The following ALKBH4 variants were observed in gnomAD, a reference collection of about 807,000 sequenced individuals.
ALKBH4 encodes alkB homolog 4, lysine demethylase.
In ALKBH4, 8 loss-of-function variants were observed where a neutral mutation model predicts 12.1. That is an observed-to-expected ratio of 0.66 (90% confidence interval 0.39 to 1.19). ALKBH4 has a LOEUF of 1.19. Ranked by LOEUF, ALKBH4 falls within the 50% of genes most tolerant of loss-of-function variation. The pLI, the probability that ALKBH4 is intolerant of heterozygous loss-of-function variation, is 0.01. For missense variants in ALKBH4, 403 were observed against 430.4 expected, an observed-to-expected ratio of 0.94 and a Z score of 0.56; for synonymous variants, 195 against 191.6, an observed-to-expected ratio of 1.02 and a Z score of -0.15.
At chr7:102,463,741 C>T (rs1797859425) in intron 1 of ALKBH4, among the ~76,000 whole-genome samples, 1 of 152,130 alleles carries the variant, frequency 6.6e-6, no homozygotes, top group Non-Finnish European at 1.5e-5. Flanking sequence ...CTTTTAGTTC[C>T]TTTGGATATA....
intron 1 of ALKBH4, 122 bp from the exon 2 acceptor site, chr7:102,459,923 G>T: frequency 3.5e-6 from 3 of 856,416 alleles, no homozygotes; most frequent in Non-Finnish European, 5.1e-6. Context: ...GGAGGCCGAG[G>T]TGGGTGGATC....
intron 1 of ALKBH4, 50 bp downstream of exon 1, chr7:102,464,664 C>A: frequency 1.3e-6 from 2 of 1,482,338 alleles, no homozygotes; most frequent in Non-Finnish European, 1.8e-6. Flanking sequence ...CCTCAGTTTC[C>A]CCAGATGCAG....
At position 102,459,792 on chromosome 7, in the gene ALKBH4, G is replaced by A. The variant is rs747384950; in HGVS notation, c.133C>T (p.Arg45Cys). ...CCGGTGTCGGAGCAGTAAATGAAAC[G>A]GTATGTTTTCTGCAAAAGAAACACA... The part of the protein sequence containing the change: ...PWELPPAKTY[R>C]FIYCSDTGWA... Residue 45 changes from arginine (R) to cysteine (C), a missense_variant, in exon 2 of 3, where the codon CGT (arginine) becomes TGT (cysteine). By Grantham distance (180) the Arg-to-Cys change is radical. Transcript: ENST00000292566. The A allele has an allele frequency of 5.0e-6, 8 of 1,598,832 alleles. No homozygotes were observed. The highest frequency in any genetic ancestry group is 1.8e-5 in the Admixed American group (1 of 57,080).
In ALKBH4 at chr7:102,457,204, A is replaced by G; in HGVS notation, c.*190T>C. The G allele has an allele frequency of 1.7e-6, 1 of 604,980 alleles. No homozygotes were observed. The highest frequency in any genetic ancestry group is 2.8e-6 in the Non-Finnish European group (1 of 356,576). 37.5% of individuals were successfully genotyped at this position (604,980 alleles called of 1,614,324 possible). A position where few individuals can be genotyped will look rare whatever the true frequency, so the allele number is the denominator to read the frequency against. ...ACTAAATAACCAAAAAAGTGTGGCC[A>G]CGGTCCAGGTGGAAGGGGGCTGCCT... On this transcript the variant is annotated 3_prime_UTR_variant, in exon 3 of 3. Transcript: ENST00000292566. The surrounding 1 kb of genome is among the most constrained non-coding windows in gnomAD (Gnocchi z 5.9).
Position 102,464,801 on chromosome 7 carries a change from A to G in ALKBH4, c.36T>C (p.Leu12=). ...AAAAAETPEV[L]RECGCKGIRT... is the part of the protein sequence containing the mutation. Reference sequence around the variant, plus strand: ...GGATGCCCTTGCAACCGCATTCCCGAAGGACTTCGGGGGTCTCGGCGGCAG... The same window carrying G: ...GGATGCCCTTGCAACCGCATTCCCGGAGGACTTCGGGGGTCTCGGCGGCAG... Residue 12 remains leucine, a synonymous_variant, in exon 1 of 3, where the codon CTT becomes CTC. Coordinates refer to ENST00000292566, the MANE Select transcript of ALKBH4 (RefSeq NM_017621.4). 1.3e-6 allele frequency: 2 copies of G among 1,562,316 alleles called. No individual in the cohort carries two copies. Among genetic ancestry groups the G allele is most frequent in the Non-Finnish European group, 8.6e-7 (1 of 1,158,948 alleles).
chr7:102,457,258 C>T lies in ALKBH4; in HGVS notation c.*136G>A. ...GGTACGTTCCCATCAAAACCTGCTC[C>T]TGGGCAGGGCTCACACTGCTCACAG... On this transcript the variant is annotated 3_prime_UTR_variant, in exon 3 of 3. Coordinates refer to ENST00000292566, the MANE Select transcript of ALKBH4 (RefSeq NM_017621.4). The surrounding 1 kb of genome is among the most constrained non-coding windows in gnomAD (Gnocchi z 5.9). 1 of 1,038,388 alleles carries T rather than the reference C, an allele frequency of 9.6e-7. No homozygotes were observed. The highest frequency in any genetic ancestry group is 1.4e-6 in the Non-Finnish European group (1 of 722,312). The allele number at this position is 1,038,388 out of a possible 1,614,324, so 64.3% of individuals were successfully genotyped here. A position where few individuals can be genotyped will look rare whatever the true frequency, so the allele number is the denominator to read the frequency against.
chr7:102,463,063 C>G (rs1797832011), intron 1 of ALKBH4, among the ~76,000 whole-genome samples: 1 of 147,738 alleles, frequency 6.8e-6, no homozygotes, highest in Non-Finnish European at 1.5e-5. Flanking sequence ...GCTCAAGCAA[C>G]CCTCCCACCT....
Position 102,457,709 on chromosome 7 carries a change from G to C in ALKBH4, c.594C>G (p.Pro198=), listed in dbSNP as rs775478836. The C allele has an allele frequency of 1.3e-6, 2 of 1,556,476 alleles. No homozygotes were observed. Among genetic ancestry groups the C allele is most frequent in the South Asian group, 2.3e-5 (2 of 87,046 alleles). The change falls in exon 3 of 3, where the codon CCC becomes CCG. Residue 198 remains proline (P), a synonymous_variant. Coordinates refer to ENST00000292566, the MANE Select transcript of ALKBH4 (RefSeq NM_017621.4). This position sits in a 1 kb window ranked among gnomAD's most constrained non-coding sequence, Gnocchi z 5.9. ...PTVLSMCREA[P]GSLLLCSAPS... ...GGGCCGAGCAGAGGAGCAGGCTCCCGGGCGCCTCCCGACACATGGACAGCA... is the reference window on the plus strand; with the variant it reads ...GGGCCGAGCAGAGGAGCAGGCTCCCCGGCGCCTCCCGACACATGGACAGCA...
chr7:102,462,366 T>C (rs1456252238), intron 1 of ALKBH4, among the ~76,000 whole-genome samples: 2 of 149,016 alleles, frequency 1.3e-5, no homozygotes, highest in African/African-American at 2.4e-5. Flanking sequence ...CCGCAATTTT[T>C]TTCTTTTCTT....
At chr7:102,461,043 G>A (rs969611044) in intron 1 of ALKBH4, among the ~76,000 whole-genome samples, 3 of 152,128 alleles carry the variant, frequency 2.0e-5, no homozygotes, top group African/African-American at 7.2e-5. Context: ...GCTAAAGAAA[G>A]TCTAGAAACC....
At position 102,464,777 on chromosome 7, in the gene ALKBH4, G is replaced by A. The variant is rs1419434534; in HGVS notation, c.60C>T (p.Ile20=). 1 of 1,573,518 alleles carries A rather than the reference G, an allele frequency of 6.4e-7. No homozygotes were observed. The highest frequency in any genetic ancestry group is 1.8e-5 in the Admixed American group (1 of 54,570). Reference sequence around the variant, plus strand: ...GCCGCTCGCAGATCAGACAGGTCCGGATGCCCTTGCAACCGCATTCCCGAA... The same window carrying A: ...GCCGCTCGCAGATCAGACAGGTCCGAATGCCCTTGCAACCGCATTCCCGAA... ...EVLRECGCKG[I]RTCLICERQR... The change falls in exon 1 of 3, where the codon ATC becomes ATT. Residue 20 remains isoleucine (I), a synonymous_variant. Coordinates refer to ENST00000292566, the MANE Select transcript of ALKBH4 (RefSeq NM_017621.4).
At chr7:102,460,788 G>A (rs918865362) in intron 1 of ALKBH4, among the ~76,000 whole-genome samples, 2 of 152,102 alleles carry the variant, frequency 1.3e-5, no homozygotes, top group Admixed American at 6.6e-5. Flanking sequence ...GGGTTGGCCC[G>A]TGCCTATCAC....
rs1267342623 is a variant in ALKBH4, at chr7:102,456,662, G to C, written c.*732C>G. 6.6e-6 allele frequency: 1 copy of C among 152,172 alleles called. No homozygotes were observed. Among genetic ancestry groups the C allele is most frequent in the African/African-American group, 2.4e-5 (1 of 41,436 alleles). 9.4% of individuals were successfully genotyped at this position (152,172 alleles called of 1,614,324 possible). The stretch of plus-strand genomic sequence containing the variant: ...GCGTGGGGGTGTCAAGCATGAGTCA[G>C]GCTGAGCCTGACTCTGAAGCTGTTC... On this transcript the variant is annotated 3_prime_UTR_variant, in exon 3 of 3. Coordinates refer to ENST00000292566, the MANE Select transcript of ALKBH4 (RefSeq NM_017621.4).
At chr7:102,460,147 C>A (rs1431944050) in intron 1 of ALKBH4, among the ~76,000 whole-genome samples, 54 of 133,288 alleles carry the variant, frequency 4.1e-4, no homozygotes, top group Admixed American at 4.5e-4. Context: ...GAGTGAGACT[C>A]AAAAAAAAAA....
At position 102,457,776 on chromosome 7, in the gene ALKBH4, C is replaced by CA; in HGVS notation, c.526dup (p.Trp176LeufsTer101). The CA allele has an allele frequency of 6.3e-7, 1 of 1,599,118 alleles. No homozygotes were observed. The highest frequency in any genetic ancestry group is 1.7e-4 in the Middle Eastern group (1 of 6,034). ...GTTGAGGCTGACCAGCCGCTCCCCC[C>CA]ACAGCCAGGCGTCGTCCAGGTGGGG... On this transcript the variant is annotated frameshift_variant, in exon 3 of 3. Transcript: ENST00000292566. LOFTEE classifies it low-confidence loss of function (END_TRUNC). The surrounding 1 kb of genome is among the most constrained non-coding windows in gnomAD (Gnocchi z 5.9).
At position 102,459,747 on chromosome 7, in the gene ALKBH4, C is replaced by G; in HGVS notation, c.178G>C (p.Glu60Gln). 6.2e-7 allele frequency: 1 copy of G among 1,613,658 alleles called. No individual in the cohort carries two copies. The highest frequency in any genetic ancestry group is 1.1e-5 in the South Asian group (1 of 91,056). The stretch of plus-strand genomic sequence containing the variant: ...AAGGCCCAGCCCTCAAAGTCAGACT[C>G]CTCTGTGCCCACGGCCCAGCCGGTG... ...SDTGWAVGTE[E>Q]SDFEGWAFPF... is the part of the protein sequence containing the mutation. Residue 60 changes from glutamate (E) to glutamine (Q), a missense_variant, in exon 2 of 3, where the codon GAG (glutamate) becomes CAG (glutamine). By Grantham distance (29) the Glu-to-Gln change is conservative. Transcript: ENST00000292566.
At chr7:102,463,319 TC>T (rs1797843721) in intron 1 of ALKBH4, among the ~76,000 whole-genome samples, 1 of 115,020 alleles carries the variant, frequency 8.7e-6, no homozygotes, top group Non-Finnish European at 1.8e-5. Context: ...GATCAAGTCA[TC>T]TCTTTTTTTT....
At chr7:102,461,319 A>G (rs1290391979) in intron 1 of ALKBH4, among the ~76,000 whole-genome samples, 2 of 151,910 alleles carry the variant, frequency 1.3e-5, no homozygotes, top group African/African-American at 4.8e-5. Flanking sequence ...CCTGGGTGAC[A>G]CAGTGAGACC....
Position 102,463,652 on chromosome 7 carries a change from G to C in ALKBH4, c.123+1062C>G, listed in dbSNP as rs140637840. On this transcript the variant is annotated intron_variant, in intron 1 of 2. Coordinates refer to ENST00000292566, the MANE Select transcript of ALKBH4 (RefSeq NM_017621.4). ...GCCCAGGTATCTTGATAGATGCTTG[G>C]TTTGCTTCCATCTTTGGGCTGTCAT... Among the ~76,000 whole-genome samples, 43 of 152,260 alleles carry C rather than the reference G, an allele frequency of 2.8e-4. 1 individual carries two copies. The highest frequency in any genetic ancestry group is 1.0e-3 in the African/African-American group (43 of 41,556).
Sources: gnomAD v4.1 joint callset for allele counts (sites outside exome capture counted in the v4.1 genomes callset) on GRCh38, gnomAD v4.1.1 for gene constraint, Gnocchi (gnomAD v3.1) non-coding constraint, MANE v1.5 for transcripts, NCBI Gene and HGNC (gene_info 2026-07-23, HGNC 2026-07-21) for gene names.